Variants in PSG5 observed in about 807,000 individuals in gnomAD.
PSG5 encodes pregnancy specific beta-1-glycoprotein 5.
A neutral mutation model predicts 37.7 loss-of-function variants in PSG5; 53 were observed. The observed-to-expected ratio is 1.41, with a 90% CI of 1.13 to 1.77. The LOEUF is 1.77. Among genes scored for constraint, PSG5 ranks in the 40% most tolerant of loss-of-function variants. The pLI, the probability that PSG5 is intolerant of heterozygous loss-of-function variation, is 0.00. For synonymous variants in PSG5, 221 were observed against 155.4 expected (o/e 1.42, Z -3.14); for missense variants, 547 against 405.2 (o/e 1.35, Z -3.00).
chr19:43,185,565 T>A (rs1966918472), intron 1 of PSG5, among the ~76,000 whole-genome samples: 1 of 151,154 alleles, frequency 6.6e-6, no homozygotes, highest in Admixed American at 6.6e-5. Context: ...AGGGTTCTTG[T>A]CAACACCTGA....
chr19:43,185,693 C>G (rs1349853467), intron 1 of PSG5, among the ~76,000 whole-genome samples: 1 of 151,718 alleles, frequency 6.6e-6, no homozygotes, highest in Non-Finnish European at 1.5e-5. Flanking sequence ...AGGCTGCAGA[C>G]TCCTGCAGAT....
chr19:43,178,751 A>G, intron 2 of PSG5: 4 of 1,597,230 alleles, frequency 2.5e-6, no homozygotes, highest in Non-Finnish European at 3.4e-6. Context: ...GCAGAAAGTC[A>G]TGGCCAGCTT....
chr19:43,181,038 G>A (rs2122231827), intron 2 of PSG5, among the ~76,000 whole-genome samples: 1 of 151,784 alleles, frequency 6.6e-6, no homozygotes, highest in South Asian at 2.1e-4. Context: ...TTAAGTTTGT[G>A]TGAATTAGGA....
At chr19:43,181,430 T>G (rs1969125634) in intron 2 of PSG5, among the ~76,000 whole-genome samples, 1 of 151,666 alleles carries the variant, frequency 6.6e-6, no homozygotes, top group Non-Finnish European at 1.5e-5. Context: ...AGTCTACCAG[T>G]AAGCATCAAA....
At chr19:43,173,804 G>A (rs1475259405) in intron 4 of PSG5, among the ~76,000 whole-genome samples, 2 of 151,608 alleles carry the variant, frequency 1.3e-5, no homozygotes, top group African/African-American at 4.9e-5. Flanking sequence ...AAAAAGTGGT[G>A]TGGCTGTTTC....
chr19:43,168,285 A>G (rs917208544), intron 5 of PSG5, 82 bp from the exon 6 acceptor site: 1 of 366,786 alleles, frequency 2.7e-6, no homozygotes, highest in African/African-American at 2.1e-5. Flanking sequence ...CTCACATAGA[A>G]ATCCAGTTAC....
chr19:43,177,007 G>C (rs1164889701), intron 2 of PSG5, among the ~76,000 whole-genome samples: 1 of 151,654 alleles, frequency 6.6e-6, no homozygotes, highest in Non-Finnish European at 1.5e-5. Flanking sequence ...ATGAACTGCT[G>C]GAAATCTGGT....
At chr19:43,177,006 T>C (rs1568372780) in intron 2 of PSG5, among the ~76,000 whole-genome samples, 1 of 151,680 alleles carries the variant, frequency 6.6e-6, no homozygotes, top group Non-Finnish European at 1.5e-5. Context: ...AATGAACTGC[T>C]GGAAATCTGG....
At chr19:43,182,041 C>T (rs985491890) in intron 2 of PSG5, among the ~76,000 whole-genome samples, 1 of 151,702 alleles carries the variant, frequency 6.6e-6, no homozygotes, top group Non-Finnish European at 1.5e-5. Context: ...GCATGTCTGA[C>T]TCCATCTGGC....
At chr19:43,179,093 C>G (rs1381459875) in intron 2 of PSG5, 1 of 1,610,928 alleles carries the variant, frequency 6.2e-7, no homozygotes, top group Non-Finnish European at 8.5e-7. Flanking sequence ...AGGTTAAGAT[C>G]ACAGCCTCCA....
At chr19:43,179,828 G>T (rs1352722281) in intron 2 of PSG5, among the ~76,000 whole-genome samples, 1 of 151,722 alleles carries the variant, frequency 6.6e-6, no homozygotes. Flanking sequence ...GACCTACAAA[G>T]AGTGAAGGGG....
chr19:43,184,024 G>C (rs1312058438), intron 2 of PSG5, among the ~76,000 whole-genome samples: 2 of 151,778 alleles, frequency 1.3e-5, no homozygotes, highest in African/African-American at 4.9e-5. Flanking sequence ...GCTTCCATGA[G>C]AAAGCACCTT....
intron 5 of PSG5, among the ~76,000 whole-genome samples, chr19:43,169,591 C>T (rs1264490356): frequency 1.3e-5 from 2 of 151,560 alleles, no homozygotes; most frequent in East Asian, 3.9e-4. Context: ...GTGAACTTAT[C>T]AAATAGGCTA....
chr19:43,183,616 G>C (rs1293194912), intron 2 of PSG5: 1 of 358,272 alleles, frequency 2.8e-6, no homozygotes, highest in Non-Finnish European at 5.5e-6. Flanking sequence ...CACTGACTCT[G>C]ACGGTTGAGG....
At chr19:43,180,437 C>G (rs1274487103) in intron 2 of PSG5, 2 of 151,624 alleles carry the variant, frequency 1.3e-5, no homozygotes, top group East Asian at 3.9e-4. Flanking sequence ...CACAATGCGC[C>G]AGTGAGCACT....
intron 2 of PSG5, among the ~76,000 whole-genome samples, chr19:43,182,375 T>A (rs1461762020): frequency 3.3e-5 from 5 of 150,144 alleles, no homozygotes; most frequent in Non-Finnish European, 1.5e-5. Context: ...AACATGAGAT[T>A]GGTCTTTTGA....
In PSG5 at chr19:43,175,001, C is replaced by T. The variant is rs1339250922; in HGVS notation, c.964+214G>A. The stretch of plus-strand genomic sequence containing the variant: ...CTGATAAAGCCCCCTCCCTAACTTT[C>T]TTAGGCCAGACACAAGGTCAGCCAT... On this transcript the variant is annotated intron_variant, in intron 4 of 5. Coordinates refer to ENST00000342951, the MANE Select transcript of PSG5 (RefSeq NM_002781.4). The T allele has an allele frequency of 6.3e-6, 9 of 1,439,072 alleles. No homozygotes were observed. The Admixed American group carries it at 1.3e-4, about 21-fold the overall frequency. 89.1% of individuals were successfully genotyped at this position (1,439,072 alleles called of 1,614,324 possible).
chr19:43,175,424 C>T lies in PSG5; in HGVS notation c.755G>A (p.Arg252His), dbSNP rs149764261. The T allele has an allele frequency of 9.2e-5, 148 of 1,612,574 alleles. 5 individuals carry two copies. In the African/African-American group the frequency reaches 1.6e-3, roughly 18 times the overall value. The change falls in exon 4 of 6, where the codon CGT becomes CAT. Residue 252 changes from arginine to histidine, a missense_variant. Physicochemically the swap from Arg to His is conservative, Grantham distance 29. Transcript: ENST00000342951. ...GGACAAGTAGAGGTTTTCTCCTGAA[C>T]GGTAATAGGTGAATGAAGGGTAAAT... ...PSIYPSFTYY[R>H]SGENLYLSCF...
At chr19:43,183,772 G>C (rs1231616628) in intron 2 of PSG5, among the ~76,000 whole-genome samples, 1 of 143,122 alleles carries the variant, frequency 7.0e-6, no homozygotes, top group East Asian at 1.9e-4. Flanking sequence ...TTCTGGTGGA[G>C]AAGATGGGCC....
Sources: gnomAD v4.1 joint callset for allele counts (sites outside exome capture counted in the v4.1 genomes callset) on GRCh38, gnomAD v4.1.1 for gene constraint, MANE v1.5 for transcripts, NCBI Gene and HGNC (gene_info 2026-07-23, HGNC 2026-07-21) for gene names.